Variants in NTNG1 observed in about 807,000 individuals in gnomAD.
The protein encoded by NTNG1 is netrin G1, also known as netrin-G1.
In NTNG1, 16 loss-of-function variants were observed where a neutral mutation model predicts 54.0. The observed-to-expected ratio is 0.30, with a 90% CI of 0.20 to 0.45. The LOEUF (loss-of-function observed/expected upper bound fraction) is 0.45. Among genes scored for constraint, NTNG1 ranks in the 20% least tolerant of loss-of-function variants. The pLI, the probability that NTNG1 is intolerant of heterozygous loss-of-function variation, is 1.00. For synonymous variants in NTNG1, 255 were observed against 263.1 expected (o/e 0.97, Z 0.30); for missense variants, 530 against 678.7 (o/e 0.78, Z 2.43).
chr1:107,340,595 C>T (rs1271450668), intron 3 of NTNG1, among the ~76,000 whole-genome samples: 1 of 152,040 alleles, frequency 6.6e-6, no homozygotes, highest in East Asian at 1.9e-4. Flanking sequence ...CCAACAAAAA[C>T]ATATGTAAAG....
At chr1:107,401,912 T>C (rs1480555062) in intron 4 of NTNG1, among the ~76,000 whole-genome samples, 1 of 152,074 alleles carries the variant, frequency 6.6e-6, no homozygotes, top group East Asian at 1.9e-4. Flanking sequence ...CGTCATAGGA[T>C]GGTCATAAAA....
intron 3 of NTNG1, among the ~76,000 whole-genome samples, chr1:107,345,563 A>G (rs36054887): frequency 0.02 from 3,014 of 152,272 alleles, 45 homozygotes; most frequent in Non-Finnish European, 0.032. Flanking sequence ...ATGGCATTTC[A>G]TATTATTCAT....
rs539457921 is a variant in NTNG1 at position 107,171,384 on chromosome 1, G to A, written c.246+22545G>A. Among the ~76,000 whole-genome samples the A allele has an allele frequency of 6.6e-5, 10 of 151,998 alleles. No individual in the cohort carries two copies. The South Asian group carries it at 1.5e-3, about 22-fold the overall frequency. On this transcript the variant is annotated intron_variant, in intron 2 of 7. Transcript: ENST00000370068. ...TGAGTTTTGCACTTAGATTCCTTCC[G>A]TCCTTCAGCAAACAGCTTTTTCTCT...
At chr1:107,385,090 A>G (rs1390058233) in intron 3 of NTNG1, among the ~76,000 whole-genome samples, 1 of 152,132 alleles carries the variant, frequency 6.6e-6, no homozygotes, top group African/African-American at 2.4e-5. Flanking sequence ...ATTGTACTTA[A>G]TTATACAAGT....
intron 2 of NTNG1, among the ~76,000 whole-genome samples, chr1:107,211,843 A>G (rs1166312993): frequency 1.3e-5 from 2 of 152,210 alleles, no homozygotes; most frequent in African/African-American, 2.4e-5. Context: ...AGTACAATCA[A>G]GCACTTCTGC....
intron 2 of NTNG1, among the ~76,000 whole-genome samples, chr1:107,276,305 A>G (rs987210983): frequency 6.6e-6 from 1 of 152,160 alleles, no homozygotes; most frequent in African/African-American, 2.4e-5. Flanking sequence ...ATCTCTTCAT[A>G]GCAACATTGT....
At chr1:107,452,454 G>T (rs1570991178) in intron 7 of NTNG1, among the ~76,000 whole-genome samples, 1 of 152,156 alleles carries the variant, frequency 6.6e-6, no homozygotes, top group East Asian at 1.9e-4. Flanking sequence ...GCTTGAGTTT[G>T]TCCCCACAGA....
intron 2 of NTNG1, among the ~76,000 whole-genome samples, chr1:107,268,777 T>A (rs1186974710): frequency 4.6e-5 from 7 of 152,160 alleles, no homozygotes; most frequent in African/African-American, 1.7e-4. Flanking sequence ...TCTAGACAAC[T>A]CCAGTTCAAT....
chr1:107,368,400 G>A (rs992378170), intron 3 of NTNG1, among the ~76,000 whole-genome samples: 7 of 151,834 alleles, frequency 4.6e-5, no homozygotes, highest in Admixed American at 2.0e-4. Flanking sequence ...ATGATCTTGT[G>A]TGGTAAGCAC....
At chr1:107,306,601 A>C (rs1234238952) in intron 2 of NTNG1, among the ~76,000 whole-genome samples, 2 of 152,182 alleles carry the variant, frequency 1.3e-5, no homozygotes, top group East Asian at 3.9e-4. Context: ...AAATAGAAAA[A>C]TTAGCTGGGC....
At chr1:107,250,563 TAAAAAATAA>T (rs1373260964) in intron 2 of NTNG1, among the ~76,000 whole-genome samples, 17 of 6,994 alleles carry the variant, frequency 2.4e-3, no homozygotes, top group Admixed American at 0.016. Context: ...GTATAATAAT[TAAAAAATAA>T]AAAAAATAAA....
chr1:107,173,719 C>T (rs1338775844), intron 2 of NTNG1, among the ~76,000 whole-genome samples: 34 of 135,582 alleles, frequency 2.5e-4, no homozygotes, highest in African/African-American at 4.5e-4. Flanking sequence ...TCTTTTCTTT[C>T]TTTCTTTCTT....
intron 2 of NTNG1, among the ~76,000 whole-genome samples, chr1:107,184,940 C>T (rs560656156): frequency 2.0e-5 from 3 of 152,280 alleles, no homozygotes; most frequent in East Asian, 1.9e-4. Context: ...GAGAACTCAA[C>T]AGCTGGGGAC....
chr1:107,480,534 T>C (rs1678622278), intron 7 of NTNG1, 77 bp from the exon 8 acceptor site: 1 of 842,990 alleles, frequency 1.2e-6, no homozygotes, highest in African/African-American at 1.7e-5. Context: ...GAAAACATGA[T>C]GTACCAGATG....
intron 2 of NTNG1, among the ~76,000 whole-genome samples, chr1:107,319,679 G>T (rs532232314): frequency 2.0e-5 from 3 of 152,092 alleles, no homozygotes; most frequent in Non-Finnish European, 4.4e-5. Context: ...ACCCAAACGC[G>T]TCTCACATTC....
chr1:107,244,505 G>C (rs1420510732), intron 2 of NTNG1, among the ~76,000 whole-genome samples: 1 of 152,164 alleles, frequency 6.6e-6, no homozygotes, highest in African/African-American at 2.4e-5. Context: ...TTCCCTAATA[G>C]ACACTGCCAT....
chr1:107,153,473 A>C (rs1485570040), intron 2 of NTNG1, among the ~76,000 whole-genome samples: 1 of 152,200 alleles, frequency 6.6e-6, no homozygotes, highest in Non-Finnish European at 1.5e-5. Context: ...TTTCATTTGA[A>C]CTGATTTATC....
chr1:107,355,254 CTT>C (rs539271429), intron 3 of NTNG1, among the ~76,000 whole-genome samples: 1 of 141,060 alleles, frequency 7.1e-6, no homozygotes. Context: ...CAGGTCTAGT[CTT>C]TTTTTTTTTA....
At chr1:107,187,523 G>A (rs1159596760) in intron 2 of NTNG1, among the ~76,000 whole-genome samples, 2 of 152,154 alleles carry the variant, frequency 1.3e-5, no homozygotes, top group African/African-American at 4.8e-5. Flanking sequence ...GAGCAGAGTA[G>A]CTCACCCACA....
Sources: allele counts gnomAD v4.1 joint callset (sites outside exome capture counted in the v4.1 genomes callset), GRCh38; gene constraint gnomAD v4.1.1; transcripts MANE v1.5; gene names NCBI Gene and HGNC (gene_info 2026-07-23, HGNC 2026-07-21).